Variants in CCNB2 observed in about 807,000 individuals in gnomAD.
CCNB2 encodes the protein G2/mitotic-specific cyclin-B2.
In CCNB2, 39 loss-of-function variants were observed where a neutral mutation model predicts 51.1. The ratio of observed to expected loss-of-function variants is 0.76; its 90% CI spans 0.59 to 1.00. CCNB2 has a LOEUF of 1.00. CCNB2 is among the 50% of genes least tolerant of loss of function. CCNB2 has a pLI of 0.00. For missense variants in CCNB2, 472 were observed against 470.3 expected (o/e 1.00, Z -0.03); for synonymous variants, 174 against 165.5 (o/e 1.05, Z -0.40).
chr15:59,119,211 T>G (rs1267052879), intron 7 of CCNB2, among the ~76,000 whole-genome samples: 3 of 152,164 alleles, frequency 2.0e-5, no homozygotes, highest in Non-Finnish European at 4.4e-5. Flanking sequence ...CATGTGAAAT[T>G]GGTAACAGAA....
At chr15:59,117,408 T>C in intron 7 of CCNB2, 40 bp downstream of exon 7, 1 of 1,594,832 alleles carries the variant, frequency 6.3e-7, no homozygotes, top group African/African-American at 1.3e-5. Context: ...TAGGCTATAT[T>C]TTAGTCCTTC....
rs1321722198 is a variant in CCNB2 at position 59,107,455 on chromosome 15, CAAT to C, written c.153+6_153+8del. ...AGAGCAGCACAAGTAGCTAAGGTAA[CAAT>C]GATGAAGACTGAATGTGAATACAGA... On this transcript the variant is annotated splice_donor_region_variant and intron_variant, in intron 2 of 8. Coordinates refer to ENST00000288207, the MANE Select transcript of CCNB2 (RefSeq NM_004701.4). 1.3e-5 allele frequency: 21 copies of C among 1,613,854 alleles called. 1 individual carries two copies. The highest frequency in any genetic ancestry group is 2.2e-5 in the South Asian group (2 of 91,054).
intron 7 of CCNB2, 71 bp downstream of exon 7, chr15:59,117,439 A>G (rs568061623): frequency 6.8e-7 from 1 of 1,466,786 alleles, no homozygotes; most frequent in African/African-American, 1.4e-5. Flanking sequence ...AGGCCTTAGC[A>G]TTTTTACAAC....
chr15:59,116,199 G>C (rs2079278047), intron 5 of CCNB2: 1 of 154,696 alleles, frequency 6.5e-6, no homozygotes, highest in South Asian at 2.0e-4. Context: ...TTTTGGTAAG[G>C]ATTAAGGAAA....
chr15:59,109,643 T>A (rs766148179), intron 3 of CCNB2, among the ~76,000 whole-genome samples: 5 of 152,214 alleles, frequency 3.3e-5, no homozygotes, highest in Non-Finnish European at 7.3e-5. Context: ...TGGTAGTTAT[T>A]TTTGAATATT....
intron 8 of CCNB2, chr15:59,123,931 G>C: frequency 4.2e-6 from 1 of 238,370 alleles, no homozygotes. Context: ...CTAGCATCCT[G>C]GGGAGGGCAC....
intron 1 of CCNB2, among the ~76,000 whole-genome samples, chr15:59,105,604 G>T (rs1482767969): frequency 6.6e-6 from 1 of 152,178 alleles, no homozygotes; most frequent in African/African-American, 2.4e-5. Context: ...AGCGATCCCC[G>T]AGTGCTCTTC....
rs771434890 is a variant in CCNB2, at chr15:59,123,528, G to T, written c.987G>T (p.Gln329His). The part of the protein sequence containing the change: ...VLGQGKWNLK[Q>H]QYYTGYTENE... ...TTCTTGTGTTTCAGAACTTAAAGCA[G>T]CAGTATTACACAGGATACACAGAGA... is the stretch of plus-strand genomic sequence containing the variant. The change falls in exon 8 of 9, where the codon CAG becomes CAT. Residue 329 changes from glutamine (Q) to histidine (H), a missense_variant. Coordinates refer to ENST00000288207, the MANE Select transcript of CCNB2 (RefSeq NM_004701.4). 6.2e-7 allele frequency: 1 copy of T among 1,607,166 alleles called. No individual in the cohort carries two copies. The highest frequency in any genetic ancestry group is 8.5e-7 in the Non-Finnish European group (1 of 1,173,996).
chr15:59,111,273 A>G (rs572162258), intron 3 of CCNB2, among the ~76,000 whole-genome samples: 15 of 152,278 alleles, frequency 9.9e-5, no homozygotes, highest in Non-Finnish European at 1.3e-4. Flanking sequence ...GGCACAAGCA[A>G]TCCTCCCACC....
At chr15:59,114,935 G>T in intron 5 of CCNB2, 59 bp downstream of exon 5, 1 of 1,515,898 alleles carries the variant, frequency 6.6e-7, no homozygotes, top group South Asian at 1.3e-5. Context: ...ATTTATGCTT[G>T]GGGGATAGAA....
At chr15:59,107,853 G>A (rs1233083976) in intron 3 of CCNB2, among the ~76,000 whole-genome samples, 183 bp downstream of exon 3, 1 of 152,184 alleles carries the variant, frequency 6.6e-6, no homozygotes, top group Non-Finnish European at 1.5e-5. Context: ...TGACCTTGAA[G>A]CTGGGCATGG....
chr15:59,109,274 C>A lies in CCNB2; in HGVS notation c.267+1604C>A, dbSNP rs28383509. Among the ~76,000 whole-genome samples the A allele has an allele frequency of 5.7e-3, 861 of 152,256 alleles. 22 individuals are homozygous for A. The highest frequency in any genetic ancestry group is 0.032 in the Admixed American group (497 of 15,296). On this transcript the variant is annotated intron_variant, in intron 3 of 8. Transcript: ENST00000288207. Reference sequence around the variant, plus strand: ...CTCTTGACCTCAGGTGATCCACCTGCCCCCGCCCCTCAAAGTGCTGGGATT... The same window carrying A: ...CTCTTGACCTCAGGTGATCCACCTGACCCCGCCCCTCAAAGTGCTGGGATT...
chr15:59,124,006 G>T (rs1487669946), intron 8 of CCNB2: 1 of 197,634 alleles, frequency 5.1e-6, no homozygotes, highest in Non-Finnish European at 1.1e-5. Flanking sequence ...TCAAATGGCG[G>T]TGTATTATAT....
intron 3 of CCNB2, among the ~76,000 whole-genome samples, chr15:59,112,983 A>C (rs569454619): frequency 6.6e-6 from 1 of 152,110 alleles, no homozygotes; most frequent in East Asian, 1.9e-4. Flanking sequence ...GCAGTGAGCC[A>C]AGGTCGTGCC....
At chr15:59,111,794 G>C (rs2079258170) in intron 3 of CCNB2, among the ~76,000 whole-genome samples, 1 of 150,414 alleles carries the variant, frequency 6.6e-6, no homozygotes, top group Non-Finnish European at 1.5e-5. Context: ...CTACTCATTT[G>C]TTCTAGCTCC....
intron 7 of CCNB2, among the ~76,000 whole-genome samples, chr15:59,122,465 T>G (rs1354136890): frequency 6.6e-6 from 1 of 151,658 alleles, no homozygotes; most frequent in Non-Finnish European, 1.5e-5. Flanking sequence ...CCTCAGGTGA[T>G]CCGCCCACCT....
intron 8 of CCNB2, 39 bp downstream of exon 8, chr15:59,123,666 G>A: frequency 7.7e-7 from 1 of 1,294,186 alleles, no homozygotes; most frequent in Non-Finnish European, 1.1e-6. Context: ...GAAAGCTTTA[G>A]GTTCTGGGTT....
At chr15:59,110,425 C>T (rs1158797738) in intron 3 of CCNB2, among the ~76,000 whole-genome samples, 5 of 152,204 alleles carry the variant, frequency 3.3e-5, no homozygotes, top group East Asian at 1.9e-4. Flanking sequence ...TCTAAGTCCA[C>T]GATTTAGGTA....
intron 3 of CCNB2, among the ~76,000 whole-genome samples, chr15:59,112,299 C>T (rs770603633): frequency 6.6e-6 from 1 of 151,956 alleles, no homozygotes; most frequent in South Asian, 2.1e-4. Flanking sequence ...ATTGATGCAT[C>T]CTCGAAGACT....
Sources: gnomAD v4.1 joint callset for allele counts (sites outside exome capture counted in the v4.1 genomes callset) on GRCh38, gnomAD v4.1.1 for gene constraint, MANE v1.5 for transcripts, NCBI Gene and HGNC (gene_info 2026-07-23, HGNC 2026-07-21) for gene names.